Variants in ASB7 observed in about 807,000 individuals in gnomAD.
ASB7 encodes ankyrin repeat and SOCS box containing 7.
In ASB7, 4 loss-of-function variants were observed where a neutral mutation model predicts 32.5. That is an observed-to-expected ratio of 0.12 (90% CI 0.06 to 0.28). ASB7 has a LOEUF of 0.28. Among genes scored for constraint, ASB7 ranks in the 10% least tolerant of loss-of-function variants. The pLI, the probability that ASB7 is intolerant of heterozygous loss-of-function variation, is 1.00. For missense variants in ASB7, 181 were observed against 407.1 expected (o/e 0.44, Z 4.78); for synonymous variants, 172 against 155.6 (o/e 1.11, Z -0.78).
intron 5 of ASB7, chr15:100,630,354 T>A (rs2039874619): frequency 3.0e-6 from 1 of 330,084 alleles, no homozygotes; most frequent in Admixed American, 5.0e-5. Context: ...GCAATTCCTG[T>A]TGGTCATAAG....
At chr15:100,639,693 T>C (rs185235978) in intron 5 of ASB7, among the ~76,000 whole-genome samples, 1 of 152,372 alleles carries the variant, frequency 6.6e-6, no homozygotes, top group East Asian at 1.9e-4. Flanking sequence ...TTTATAATTA[T>C]ATCATAGTCT....
At chr15:100,640,348 A>T (rs1000063000) in intron 5 of ASB7, among the ~76,000 whole-genome samples, 6 of 151,984 alleles carry the variant, frequency 3.9e-5, no homozygotes, top group African/African-American at 1.4e-4. Context: ...TTTCGCCATG[A>T]TGGTCAGGCT....
At chr15:100,621,172 T>G (rs1465948085) in intron 4 of ASB7, among the ~76,000 whole-genome samples, 1 of 152,260 alleles carries the variant, frequency 6.6e-6, no homozygotes, top group African/African-American at 2.4e-5. Flanking sequence ...GTAGTTTATC[T>G]TGCCAATATA....
intron 4 of ASB7, among the ~76,000 whole-genome samples, chr15:100,613,054 A>G (rs767681240): frequency 1.3e-5 from 2 of 152,218 alleles, no homozygotes; most frequent in African/African-American, 4.8e-5. Context: ...TTTTAAACCA[A>G]TGATTGTCCA....
chr15:100,615,541 G>A lies in ASB7; in HGVS notation c.211+3114G>A, dbSNP rs1055259475. The stretch of plus-strand genomic sequence containing the variant: ...GAGAATGGCTGGAATTTTCACAGCA[G>A]GAGATTTTGTTTTTTGAAAAGGTAG... On this transcript the variant is annotated intron_variant, in intron 4 of 5. Coordinates refer to ENST00000332783, the MANE Select transcript of ASB7 (RefSeq NM_198243.3). Among the ~76,000 whole-genome samples the A allele has an allele frequency of 1.4e-4, 22 of 152,182 alleles. 2 individuals are homozygous for A. The highest frequency in any genetic ancestry group is 1.1e-3 in the Admixed American group (17 of 15,270).
intron 4 of ASB7, among the ~76,000 whole-genome samples, chr15:100,624,181 G>C (rs549855254): frequency 6.6e-5 from 10 of 152,342 alleles, no homozygotes; most frequent in African/African-American, 2.2e-4. Context: ...AGGAGATAAA[G>C]AGAGGTTGGT....
At chr15:100,620,923 C>T (rs1487325326) in intron 4 of ASB7, among the ~76,000 whole-genome samples, 1 of 152,128 alleles carries the variant, frequency 6.6e-6, no homozygotes, top group South Asian at 2.1e-4. Flanking sequence ...CCAGAGGAAC[C>T]TGAGAAAACC....
intron 4 of ASB7, among the ~76,000 whole-genome samples, chr15:100,625,713 C>T (rs1259039798): frequency 6.6e-6 from 1 of 152,028 alleles, no homozygotes; most frequent in Non-Finnish European, 1.5e-5. Flanking sequence ...AATTTATTAT[C>T]CCAAATATTA....
intron 3 of ASB7, among the ~76,000 whole-genome samples, chr15:100,611,107 C>G (rs1439918650): frequency 6.6e-6 from 1 of 152,174 alleles, no homozygotes. Flanking sequence ...TGCAGTGGCA[C>G]AATCACAGCT....
At chr15:100,640,383 G>A (rs1266432679) in intron 5 of ASB7, among the ~76,000 whole-genome samples, 1 of 152,184 alleles carries the variant, frequency 6.6e-6, no homozygotes, top group Non-Finnish European at 1.5e-5. Flanking sequence ...GACCTCAAGT[G>A]ATCTGCCCGC....
In ASB7 at chr15:100,611,312, C is replaced by A. The variant is rs1230572897; in HGVS notation, c.-51-854C>A. Among the ~76,000 whole-genome samples the A allele has an allele frequency of 3.9e-5, 6 of 151,966 alleles. No individual in the cohort carries two copies. In the South Asian group the frequency reaches 1.2e-3, roughly 32 times the overall value. Reference sequence around the variant, plus strand: ...AAGTGGTCCCTTTTTCCTTGGCCTCCCAAAGTGCTGGGATTACAAACGTGA... The same window carrying A: ...AAGTGGTCCCTTTTTCCTTGGCCTCACAAAGTGCTGGGATTACAAACGTGA... On this transcript the variant is annotated intron_variant, in intron 3 of 5. Coordinates refer to ENST00000332783, the MANE Select transcript of ASB7 (RefSeq NM_198243.3).
chr15:100,645,813 G>T lies in ASB7; in HGVS notation c.818-2510G>T, dbSNP rs763752082. The T allele has an allele frequency of 4.9e-5, 70 of 1,422,342 alleles. 2 individuals are homozygous for T. The highest frequency in any genetic ancestry group is 4.7e-4 in the Middle Eastern group (2 of 4,224). 88.1% of individuals were successfully genotyped at this position (1,422,342 alleles called of 1,614,324 possible). On this transcript the variant is annotated intron_variant, in intron 5 of 5. Transcript: ENST00000332783. Reference sequence around the variant, plus strand: ...TTTCCTGTAAAGTTGACTTAAGATTGCCAAACGCGACATCCCACACGCTAA... The same window carrying T: ...TTTCCTGTAAAGTTGACTTAAGATTTCCAAACGCGACATCCCACACGCTAA...
At chr15:100,643,317 A>G (rs540113815) in intron 5 of ASB7, among the ~76,000 whole-genome samples, 20 of 152,204 alleles carry the variant, frequency 1.3e-4, no homozygotes, top group Non-Finnish European at 2.6e-4. Context: ...GAGAGGGAAC[A>G]TAGACCTCAT....
rs2039780099 is a variant in ASB7 at position 100,620,310 on chromosome 15, C to T, written c.211+7883C>T. On this transcript the variant is annotated intron_variant, in intron 4 of 5. Coordinates refer to ENST00000332783, the MANE Select transcript of ASB7 (RefSeq NM_198243.3). ...TTAAAAATGTATTGTTGTATTATTT[C>T]TAATTTTTTAATCAAGTTATTTTTC... is the stretch of plus-strand genomic sequence containing the variant. Among the ~76,000 whole-genome samples, 3 of 152,070 alleles carry T rather than the reference C, an allele frequency of 2.0e-5. No individual in the cohort carries two copies. In the South Asian group the frequency reaches 6.2e-4, roughly 32 times the overall value.
At chr15:100,613,776 C>T in intron 4 of ASB7, among the ~76,000 whole-genome samples, 1 of 150,764 alleles carries the variant, frequency 6.6e-6, no homozygotes, top group Non-Finnish European at 1.5e-5. Flanking sequence ...ACTAAAAGTT[C>T]TGTTATTCAA....
At chr15:100,640,387 T>C (rs1357322063) in intron 5 of ASB7, among the ~76,000 whole-genome samples, 1 of 152,182 alleles carries the variant, frequency 6.6e-6, no homozygotes, top group Non-Finnish European at 1.5e-5. Context: ...TCAAGTGATC[T>C]GCCCGCCTTA....
Position 100,624,356 on chromosome 15 carries a change from A to T in ASB7, c.212-5081A>T, listed in dbSNP as rs143735167. On this transcript the variant is annotated intron_variant, in intron 4 of 5. Transcript: ENST00000332783. ...TAAATGCTCAAGGTGATGATGGATA[A>T]CGCAGATACCCTGACTTGATCGTTA... 4.4e-3 allele frequency among the ~76,000 whole-genome samples: 665 copies of T among 152,346 alleles called. 2 individuals are homozygous for T. The highest frequency in any genetic ancestry group is 0.015 in the African/African-American group (630 of 41,584).
chr15:100,626,848 C>T (rs1395393376), intron 4 of ASB7, among the ~76,000 whole-genome samples: 1 of 152,108 alleles, frequency 6.6e-6, no homozygotes, highest in Admixed American at 6.5e-5. Flanking sequence ...GTAAGTCAAA[C>T]ACAGAAGTCT....
intron 4 of ASB7, among the ~76,000 whole-genome samples, chr15:100,628,404 G>A (rs937957272): frequency 6.6e-6 from 1 of 152,132 alleles, no homozygotes; most frequent in African/African-American, 2.4e-5. Flanking sequence ...GTATGTGTAG[G>A]TGTGTGTGTA....
Sources: gnomAD v4.1 joint callset for allele counts (sites outside exome capture counted in the v4.1 genomes callset) on GRCh38, gnomAD v4.1.1 for gene constraint, MANE v1.5 for transcripts, NCBI Gene and HGNC (gene_info 2026-07-23, HGNC 2026-07-21) for gene names.